The following CRYZL1 variants were observed in gnomAD, a reference collection of about 807,000 sequenced individuals.
CRYZL1 encodes crystallin zeta like 1.
CRYZL1 carries 34 observed loss-of-function variants against 50.6 expected under a neutral mutation model. The observed-to-expected ratio is 0.67, with a 90% CI of 0.51 to 0.89. The LOEUF (loss-of-function observed/expected upper bound fraction) is 0.89. Ranked by LOEUF, CRYZL1 falls within the 40% of genes least tolerant of loss-of-function variation. CRYZL1 has a pLI of 0.00. For synonymous variants in CRYZL1, 125 were observed against 134.3 expected, an observed-to-expected ratio of 0.93 and a Z score of 0.48; for missense variants, 354 against 402.3, an observed-to-expected ratio of 0.88 and a Z score of 1.03.
chr21:33,602,378 G>T, intron 7 of CRYZL1, 33 bp from the exon 8 acceptor site: 1 of 982,536 alleles, frequency 1.0e-6, no homozygotes, highest in Non-Finnish European at 1.6e-6. Context: ...TGGGTGTATG[G>T]TTATAGAACA....
chr21:33,627,270 A>AT (rs989021067), intron 2 of CRYZL1, among the ~76,000 whole-genome samples: 4 of 151,930 alleles, frequency 2.6e-5, no homozygotes, highest in Non-Finnish European at 5.9e-5. Flanking sequence ...TGCCCAGCTA[A>AT]TTTTTTTGGT....
intron 1 of CRYZL1, among the ~76,000 whole-genome samples, chr21:33,636,419 T>C (rs897264873): frequency 3.9e-5 from 6 of 152,206 alleles, no homozygotes; most frequent in African/African-American, 1.4e-4. Flanking sequence ...TAGGCTGATA[T>C]AGCCTGTGAA....
At chr21:33,599,968 A>G (rs1255345726) in intron 8 of CRYZL1, among the ~76,000 whole-genome samples, 1 of 152,064 alleles carries the variant, frequency 6.6e-6, no homozygotes, top group Non-Finnish European at 1.5e-5. Context: ...TTCATATTTA[A>G]TAGTCTTTAG....
intron 6 of CRYZL1, among the ~76,000 whole-genome samples, chr21:33,604,591 A>G (rs932878838): frequency 6.6e-6 from 1 of 152,050 alleles, no homozygotes; most frequent in South Asian, 2.1e-4. Flanking sequence ...ATGGAATCAT[A>G]CCATATGCAT....
chr21:33,616,821 A>AT (rs1004614760), intron 4 of CRYZL1, 71 bp from the exon 5 acceptor site: 26 of 1,297,918 alleles, frequency 2.0e-5, no homozygotes, highest in Middle Eastern at 2.8e-4. Flanking sequence ...ATTAAAATAC[A>AT]TTTTTAAAAT....
At chr21:33,635,209 AAC>A (rs1245641298) in intron 1 of CRYZL1, among the ~76,000 whole-genome samples, 3 of 152,070 alleles carry the variant, frequency 2.0e-5, no homozygotes, top group African/African-American at 7.2e-5. Context: ...GATTAAATAA[AAC>A]AGTCTATTAC....
At position 33,626,565 on chromosome 21, in the gene CRYZL1, C is replaced by T. The variant is rs139220435; in HGVS notation, c.67-1805G>A. Among the ~76,000 whole-genome samples, 613 of 151,866 alleles carry T rather than the reference C, an allele frequency of 4.0e-3. 6 individuals are homozygous for T. The highest frequency in any genetic ancestry group is 0.014 in the African/African-American group (566 of 41,442). ...TACAAAAAATAGCTGGGCATGGTTG[C>T]GCATGCCTGTAGTCCCAGGTACTTG... On this transcript the variant is annotated intron_variant, in intron 2 of 12. Transcript: ENST00000381554.
Position 33,595,798 on chromosome 21 carries a change from T to G in CRYZL1, c.837A>C (p.Gly279=). The change falls in exon 11 of 13, where the codon GGA becomes GGC. Residue 279 remains glycine, a synonymous_variant. Coordinates refer to ENST00000381554, the MANE Select transcript of CRYZL1 (RefSeq NM_145858.3). ...CATCATTCAGGAAAGCTAACGTTGC[T>G]CCCTTGAGGAAAAGGCAGTGGCTAT... The part of the protein sequence containing the change: ...PPDSHCLFLK[G]ATLAFLNDEV... 1 of 1,614,100 alleles carries G rather than the reference T, an allele frequency of 6.2e-7. No homozygotes were observed. The highest frequency in any genetic ancestry group is 8.5e-7 in the Non-Finnish European group (1 of 1,179,960).
chr21:33,600,686 C>T (rs928139220), intron 8 of CRYZL1, among the ~76,000 whole-genome samples: 2 of 149,408 alleles, frequency 1.3e-5, no homozygotes, highest in South Asian at 4.2e-4. Flanking sequence ...AGTGCAGTGG[C>T]GCGATCTCGG....
intron 1 of CRYZL1, chr21:33,641,414 T>TACTTTTATGGAG: frequency 7.5e-7 from 1 of 1,339,828 alleles, no homozygotes; most frequent in Non-Finnish European, 9.9e-7. Flanking sequence ...CCCAGACCTC[T>TACTTTTATGGAG]GCCTCCATAA....
chr21:33,617,081 A>G, intron 4 of CRYZL1: 1 of 169,510 alleles, frequency 5.9e-6, no homozygotes, highest in Non-Finnish European at 1.2e-5. Context: ...TTGTGGCACG[A>G]TCTTGGCTCA....
At chr21:33,604,716 A>G (rs1036402606) in intron 6 of CRYZL1, among the ~76,000 whole-genome samples, 1 of 152,152 alleles carries the variant, frequency 6.6e-6, no homozygotes, top group Non-Finnish European at 1.5e-5. Flanking sequence ...AATATATTAA[A>G]AACACCTTCA....
intron 1 of CRYZL1, among the ~76,000 whole-genome samples, chr21:33,637,760 CATATATATAT>C (rs10536195): frequency 7.4e-4 from 98 of 131,730 alleles, no homozygotes; most frequent in Non-Finnish European, 1.3e-3. Context: ...AAGAGAAAAA[CATATATATAT>C]ATATATATAT....
chr21:33,617,545 C>T (rs2086947824), intron 4 of CRYZL1, among the ~76,000 whole-genome samples: 4 of 152,252 alleles, frequency 2.6e-5, no homozygotes, highest in Admixed American at 1.3e-4. Flanking sequence ...CCGGGAGCTT[C>T]GGCAAGACTC....
chr21:33,628,928 G>A (rs1404129876), intron 2 of CRYZL1, among the ~76,000 whole-genome samples: 3 of 151,754 alleles, frequency 2.0e-5, no homozygotes, highest in Admixed American at 6.6e-5. Flanking sequence ...GTTTGCTGTC[G>A]CTACAGAGAA....
intron 2 of CRYZL1, among the ~76,000 whole-genome samples, chr21:33,626,217 C>A (rs2087061078): frequency 6.6e-6 from 1 of 152,058 alleles, no homozygotes; most frequent in African/African-American, 2.4e-5. Context: ...CCTTGGCCTC[C>A]CAAAGTGCTG....
chr21:33,591,271 AGAG>A, intron 11 of CRYZL1, 64 bp from the exon 12 acceptor site: 1 of 1,310,144 alleles, frequency 7.6e-7, no homozygotes. Flanking sequence ...TTCAATAAGC[AGAG>A]GATGCCAGGC....
intron 1 of CRYZL1, among the ~76,000 whole-genome samples, chr21:33,638,063 T>C (rs2087231714): frequency 6.6e-6 from 1 of 152,118 alleles, no homozygotes; most frequent in African/African-American, 2.4e-5. Flanking sequence ...AGACTTTTTG[T>C]ACATATTCAC....
chr21:33,621,443 G>A (rs1237766192), intron 4 of CRYZL1, among the ~76,000 whole-genome samples: 2 of 151,302 alleles, frequency 1.3e-5, no homozygotes, highest in African/African-American at 2.4e-5. Flanking sequence ...CCAGGTTCAC[G>A]CCATTCTCCT....
Sources: allele counts gnomAD v4.1 joint callset (sites outside exome capture counted in the v4.1 genomes callset), GRCh38; gene constraint gnomAD v4.1.1; transcripts MANE v1.5; gene names NCBI Gene and HGNC (gene_info 2026-07-23, HGNC 2026-07-21).